Variants in OLFM3 observed in about 807,000 individuals in gnomAD.
The protein encoded by OLFM3 is noelin-3.
OLFM3 carries 20 observed loss-of-function variants against 48.6 expected under a neutral mutation model. The ratio of observed to expected loss-of-function variants is 0.41; its 90% confidence interval spans 0.29 to 0.60. The LOEUF is 0.60. Among genes scored for constraint, OLFM3 ranks in the 20% least tolerant of loss-of-function variants. The pLI is 0.28. For synonymous variants in OLFM3, 222 were observed against 198.1 expected (o/e 1.12, Z -1.01); for missense variants, 437 against 544.3 (o/e 0.80, Z 1.96).
intron 1 of OLFM3, among the ~76,000 whole-genome samples, chr1:101,947,072 C>G (rs1187447828): frequency 1.3e-5 from 2 of 151,894 alleles, no homozygotes; most frequent in Admixed American, 6.6e-5. Flanking sequence ...TTCATTTTTC[C>G]TTGAGATGCT....
In OLFM3 at chr1:101,967,590, GAAA is replaced by G. The variant is rs71592233; in HGVS notation, c.69+29155_69+29157del. 3.8e-3 allele frequency among the ~76,000 whole-genome samples: 168 copies of G among 44,580 alleles called. 1 individual carries two copies. The highest frequency in any genetic ancestry group is 0.016 in the African/African-American group (151 of 9,242). 29.2% of individuals were successfully genotyped at this position (44,580 alleles called of 152,430 possible). ...CCTTTTTACTTCCATCCTAGTCAGTGAAAAAAAAAAAAAAAAAAAAAAAAGGAA... is the reference window on the plus strand; with the variant it reads ...CCTTTTTACTTCCATCCTAGTCAGTGAAAAAAAAAAAAAAAAAAAAAGGAA... On this transcript the variant is annotated intron_variant, in intron 1 of 5. Coordinates refer to ENST00000370103, the MANE Select transcript of OLFM3 (RefSeq NM_058170.4).
At chr1:101,933,817 C>A (rs1659530242) in intron 1 of OLFM3, among the ~76,000 whole-genome samples, 1 of 151,832 alleles carries the variant, frequency 6.6e-6, no homozygotes, top group African/African-American at 2.4e-5. Context: ...ATACAGCATT[C>A]TTAAAGAAAA....
chr1:101,969,314 A>T (rs377181663), intron 1 of OLFM3, among the ~76,000 whole-genome samples: 6 of 141,396 alleles, frequency 4.2e-5, no homozygotes, highest in Admixed American at 1.4e-4. Context: ...ACGCCTGGCT[A>T]TTTTTTTTTT....
At chr1:101,832,510 G>A (rs927351661) in intron 2 of OLFM3, among the ~76,000 whole-genome samples, 2 of 152,084 alleles carry the variant, frequency 1.3e-5, no homozygotes, top group African/African-American at 2.4e-5. Flanking sequence ...GTCCTTTTAG[G>A]ACATATTACA....
At chr1:101,842,215 A>AATG (rs1384212978) in intron 1 of OLFM3, among the ~76,000 whole-genome samples, 2 of 152,150 alleles carry the variant, frequency 1.3e-5, no homozygotes, top group South Asian at 2.1e-4. Context: ...TAATAATAAT[A>AATG]ATAATGAATA....
At chr1:101,967,265 C>A (rs1660639001) in intron 1 of OLFM3, among the ~76,000 whole-genome samples, 1 of 150,400 alleles carries the variant, frequency 6.6e-6, no homozygotes, top group African/African-American at 2.5e-5. Flanking sequence ...CTTCCCTATT[C>A]AAAACTCTGA....
At chr1:101,940,538 T>C in intron 1 of OLFM3, among the ~76,000 whole-genome samples, 1 of 151,790 alleles carries the variant, frequency 6.6e-6, no homozygotes, top group East Asian at 1.9e-4. Context: ...TGTCTATCTA[T>C]CTATGTATCT....
rs972099551 is a variant in OLFM3, at chr1:101,812,106, G to A, written c.593-5924C>T. Among the ~76,000 whole-genome samples, 9 of 151,756 alleles carry A rather than the reference G, an allele frequency of 5.9e-5. No individual in the cohort carries two copies. In the South Asian group the frequency reaches 8.3e-4, roughly 14 times the overall value. On this transcript the variant is annotated intron_variant, in intron 4 of 5. Coordinates refer to ENST00000370103, the MANE Select transcript of OLFM3 (RefSeq NM_058170.4). Reference sequence around the variant, plus strand: ...AAGGACAAAAAACCAAACACCACATGTTCTCACTCATAGGTGGGAGTTGAA... The same window carrying A: ...AAGGACAAAAAACCAAACACCACATATTCTCACTCATAGGTGGGAGTTGAA...
chr1:101,870,704 A>C (rs916696961), intron 1 of OLFM3, among the ~76,000 whole-genome samples: 3 of 152,070 alleles, frequency 2.0e-5, no homozygotes, highest in African/African-American at 7.2e-5. Flanking sequence ...TTAGGAGATA[A>C]TGGGGGTCTT....
chr1:101,839,942 A>G (rs1253804445), intron 1 of OLFM3, among the ~76,000 whole-genome samples: 1 of 152,206 alleles, frequency 6.6e-6, no homozygotes, highest in Non-Finnish European at 1.5e-5. Flanking sequence ...GAAAAAGGTA[A>G]CTCAAAAGAG....
At chr1:101,900,657 A>T (rs1217582656) in intron 1 of OLFM3, among the ~76,000 whole-genome samples, 1 of 152,076 alleles carries the variant, frequency 6.6e-6, no homozygotes, top group Non-Finnish European at 1.5e-5. Context: ...AGTAGAAAAA[A>T]AATGGTAGAG....
At chr1:101,828,417 G>T (rs2100906532) in intron 3 of OLFM3, among the ~76,000 whole-genome samples, 1 of 152,104 alleles carries the variant, frequency 6.6e-6, no homozygotes, top group East Asian at 1.9e-4. Flanking sequence ...CTGTTATTTG[G>T]ATTTTGACAT....
chr1:101,891,179 G>C (rs568159673), intron 1 of OLFM3, among the ~76,000 whole-genome samples: 15 of 152,086 alleles, frequency 9.9e-5, no homozygotes, highest in African/African-American at 3.6e-4. Context: ...TCAGGTCTCA[G>C]AGTTTGGAAG....
chr1:101,982,395 A>T (rs1037724869), intron 1 of OLFM3, among the ~76,000 whole-genome samples: 10 of 152,300 alleles, frequency 6.6e-5, no homozygotes, highest in African/African-American at 1.7e-4. Flanking sequence ...AGGTAGGTAA[A>T]CACAGACAGA....
intron 1 of OLFM3, among the ~76,000 whole-genome samples, chr1:101,874,561 G>A (rs1180801947): frequency 2.6e-5 from 4 of 151,738 alleles, no homozygotes; most frequent in Non-Finnish European, 4.4e-5. Context: ...CTGGTACTAT[G>A]TATATAATTT....
chr1:101,959,687 T>C (rs1179766403), intron 1 of OLFM3, among the ~76,000 whole-genome samples: 2 of 152,090 alleles, frequency 1.3e-5, no homozygotes, highest in South Asian at 2.1e-4. Flanking sequence ...GGTGACTCAA[T>C]CTCCAATGAG....
rs1476997553 is a variant in OLFM3, at chr1:101,824,334, T to C, written c.592+692A>G. On this transcript the variant is annotated intron_variant, in intron 4 of 5. Coordinates refer to ENST00000370103, the MANE Select transcript of OLFM3 (RefSeq NM_058170.4). Reference sequence around the variant, plus strand: ...TTCAAGTTGCAGACTAGTCCCATGTTGACTTCAGTTAAATAATTAGCTCAT... The same window carrying C: ...TTCAAGTTGCAGACTAGTCCCATGTCGACTTCAGTTAAATAATTAGCTCAT... 3.3e-5 allele frequency among the ~76,000 whole-genome samples: 5 copies of C among 152,290 alleles called. No individual in the cohort carries two copies. The East Asian group carries it at 9.6e-4, about 29-fold the overall frequency.
At chr1:101,818,683 GA>G (rs1654455622) in intron 4 of OLFM3, among the ~76,000 whole-genome samples, 1 of 152,082 alleles carries the variant, frequency 6.6e-6, no homozygotes, top group Admixed American at 6.6e-5. Flanking sequence ...GTTTTGGAAT[GA>G]AATACTGCAT....
intron 1 of OLFM3, among the ~76,000 whole-genome samples, chr1:101,922,397 A>T (rs1659126048): frequency 6.6e-6 from 1 of 152,178 alleles, no homozygotes; most frequent in Admixed American, 6.5e-5. Flanking sequence ...CACCGTACAT[A>T]CAGGCCCATA....
Sources: allele counts gnomAD v4.1 joint callset (sites outside exome capture counted in the v4.1 genomes callset), GRCh38; gene constraint gnomAD v4.1.1; transcripts MANE v1.5; gene names NCBI Gene and HGNC (gene_info 2026-07-23, HGNC 2026-07-21).